SGCD: variants seen among roughly 807,000 people sequenced by gnomAD.
The protein encoded by SGCD is delta-sarcoglycan.
SGCD carries 18 observed loss-of-function variants against 36.6 expected under a neutral mutation model. That is an observed-to-expected ratio of 0.49 (90% CI 0.34 to 0.73). The LOEUF (loss-of-function observed/expected upper bound fraction) is 0.73, where lower values mean the gene tolerates loss of function less well. Among genes scored for constraint, SGCD ranks in the 30% least tolerant of loss-of-function variants. The pLI, the probability that SGCD is intolerant of heterozygous loss-of-function variation, is 0.01. For missense variants in SGCD, 387 were observed against 346.7 expected (o/e 1.12, Z -0.92); for synonymous variants, 133 against 130.6 (o/e 1.02, Z -0.12).
the SGCD span, among the ~76,000 whole-genome samples, chr5:155,789,165 T>G: frequency 1.3e-5 from 2 of 152,184 alleles, no homozygotes; most frequent in Non-Finnish European, 2.9e-5. Flanking sequence ...GGTCTCTTCA[T>G]GTTACTTAAT....
rs1760783732 is a variant in SGCD at position 156,592,989 on chromosome 5, G to T, written c.383-1943G>T. Among the ~76,000 whole-genome samples, 3 of 152,246 alleles carry T rather than the reference G, an allele frequency of 2.0e-5. No homozygotes were observed. The South Asian group carries it at 6.2e-4, about 32-fold the overall frequency. The stretch of plus-strand genomic sequence containing the variant: ...GTAGAATGGCGACATCCACAAGAGT[G>T]GTGATGTCCACAGGAGTGGTTTCCT... On this transcript the variant is annotated intron_variant, in intron 5 of 8. Transcript: ENST00000337851.
chr5:155,780,124 A>C, the SGCD span, among the ~76,000 whole-genome samples: 1 of 152,096 alleles, frequency 6.6e-6, no homozygotes, highest in African/African-American at 2.4e-5. Flanking sequence ...TTCTAAATGC[A>C]CAGGAACAGT....
At chr5:156,523,001 A>C (rs1757478837) in intron 4 of SGCD, among the ~76,000 whole-genome samples, 1 of 152,168 alleles carries the variant, frequency 6.6e-6, no homozygotes, top group Non-Finnish European at 1.5e-5. Context: ...GTAAAAATCC[A>C]TTTTGATTTT....
At chr5:156,521,890 A>G (rs1185645186) in intron 4 of SGCD, among the ~76,000 whole-genome samples, 1 of 152,164 alleles carries the variant, frequency 6.6e-6, no homozygotes, top group Non-Finnish European at 1.5e-5. Flanking sequence ...AAAGATACAT[A>G]CATGTGTATG....
intron 3 of SGCD, among the ~76,000 whole-genome samples, chr5:156,385,835 G>A (rs1024638340): frequency 6.6e-6 from 1 of 152,186 alleles, no homozygotes; most frequent in African/African-American, 2.4e-5. Context: ...GCAGTGGCCT[G>A]CACTGTGCTA....
intron 3 of SGCD, among the ~76,000 whole-genome samples, chr5:156,438,424 TA>T (rs1753337452): frequency 6.6e-6 from 1 of 152,042 alleles, no homozygotes; most frequent in Non-Finnish European, 1.5e-5. Context: ...AATGGGAAGT[TA>T]AGTCAAGATG....
At chr5:156,741,469 G>A (rs940469231) in intron 7 of SGCD, among the ~76,000 whole-genome samples, 1 of 151,888 alleles carries the variant, frequency 6.6e-6, no homozygotes, top group Non-Finnish European at 1.5e-5. Flanking sequence ...GGTACATTAA[G>A]TGGAATTTGA....
chr5:155,839,104 C>T, the SGCD span, among the ~76,000 whole-genome samples: 1 of 152,034 alleles, frequency 6.6e-6, no homozygotes, highest in South Asian at 2.1e-4. Flanking sequence ...CCCAGCAAAT[C>T]TACATTTCAC....
Position 156,417,120 on chromosome 5 carries a change from A to T in SGCD, c.192+72443A>T, listed in dbSNP as rs74498483. On this transcript the variant is annotated intron_variant, in intron 3 of 8. Transcript: ENST00000337851. ...TTTTAGAGAAAAAAATGTATTTGAGAAAACTATTTCCACAACACATTGCAC... is the reference window on the plus strand; with the variant it reads ...TTTTAGAGAAAAAAATGTATTTGAGTAAACTATTTCCACAACACATTGCAC... Among the ~76,000 whole-genome samples, 750 of 152,314 alleles carry T rather than the reference A, an allele frequency of 4.9e-3. 33 individuals carry two copies. The East Asian group carries it at 0.086, about 17-fold the overall frequency.
At chr5:155,890,015 C>G (rs533359380) in intron 1 of SGCD, among the ~76,000 whole-genome samples, 1 of 152,284 alleles carries the variant, frequency 6.6e-6, no homozygotes, top group South Asian at 2.1e-4. Context: ...TTAGGTATCA[C>G]CTGCACTTAT....
chr5:156,297,843 C>T (rs962977313), intron 3 of SGCD, among the ~76,000 whole-genome samples: 1 of 151,472 alleles, frequency 6.6e-6, no homozygotes, highest in African/African-American at 2.4e-5. Flanking sequence ...ACTATAGTCA[C>T]CCTGTTGTGC....
intron 3 of SGCD, among the ~76,000 whole-genome samples, chr5:156,193,622 C>T (rs902698246): frequency 1.3e-5 from 2 of 152,114 alleles, no homozygotes; most frequent in Non-Finnish European, 2.9e-5. Context: ...GCCTAGCTTC[C>T]ACGTCTTGTT....
intron 4 of SGCD, among the ~76,000 whole-genome samples, chr5:156,579,117 G>T (rs1760124897): frequency 6.6e-6 from 1 of 152,116 alleles, no homozygotes; most frequent in Non-Finnish European, 1.5e-5. Context: ...TTGTGTCTTT[G>T]TTCTCATTGG....
intron 3 of SGCD, among the ~76,000 whole-genome samples, chr5:156,281,650 G>T (rs2127673447): frequency 6.6e-6 from 1 of 150,530 alleles, no homozygotes; most frequent in East Asian, 1.9e-4. Context: ...TGGAGGAAAG[G>T]TTTGACAAAA....
chr5:155,776,937 C>T, the SGCD span, among the ~76,000 whole-genome samples: 1 of 152,128 alleles, frequency 6.6e-6, no homozygotes, highest in African/African-American at 2.4e-5. Context: ...CACAATCACA[C>T]TTCATCAATG....
intron 3 of SGCD, among the ~76,000 whole-genome samples, chr5:156,478,037 G>A (rs1299623137): frequency 6.6e-6 from 1 of 152,018 alleles, no homozygotes; most frequent in Non-Finnish European, 1.5e-5. Context: ...CAATCAGAGG[G>A]GGAGCATTGG....
the SGCD span, among the ~76,000 whole-genome samples, chr5:155,824,781 G>A: frequency 6.6e-6 from 1 of 152,128 alleles, no homozygotes; most frequent in Admixed American, 6.5e-5. Flanking sequence ...CACAGGCTTC[G>A]TTGTTGTTAG....
intron 1 of SGCD, among the ~76,000 whole-genome samples, chr5:156,015,819 G>A (rs1428064789): frequency 2.7e-5 from 4 of 148,350 alleles, no homozygotes; most frequent in Non-Finnish European, 6.0e-5. Context: ...CACACACACA[G>A]TGCACTGCAT....
intron 3 of SGCD, among the ~76,000 whole-genome samples, chr5:156,266,009 C>T (rs1227096528): frequency 6.6e-6 from 1 of 151,966 alleles, no homozygotes; most frequent in Non-Finnish European, 1.5e-5. Context: ...TTTAGATCTG[C>T]AAAATTTTGA....
Sources: allele counts gnomAD v4.1 joint callset (sites outside exome capture counted in the v4.1 genomes callset), GRCh38; gene constraint gnomAD v4.1.1; transcripts MANE v1.5; gene names NCBI Gene and HGNC (gene_info 2026-07-23, HGNC 2026-07-21).